GABRB3: variants seen among roughly 807,000 people sequenced by gnomAD.
GABRB3 encodes gamma-aminobutyric acid type A receptor subunit beta3.
A neutral mutation model predicts 52.1 loss-of-function variants in GABRB3; 14 were observed. That is an observed-to-expected ratio of 0.27 (90% CI 0.18 to 0.42). GABRB3 has a LOEUF of 0.42. Ranked by LOEUF, GABRB3 falls within the 10% of genes least tolerant of loss-of-function variation. The pLI is 1.00. For missense variants in GABRB3, 307 were observed against 609.1 expected (o/e 0.50, Z 5.22); for synonymous variants, 260 against 232.3 (o/e 1.12, Z -1.08).
intron 3 of GABRB3, among the ~76,000 whole-genome samples, chr15:26,704,255 T>A (rs1244438540): frequency 6.6e-6 from 1 of 152,220 alleles, no homozygotes. Context: ...TGCCAGAATG[T>A]GGAGAAAAGA....
chr15:26,708,214 A>T (rs972138465), intron 3 of GABRB3, among the ~76,000 whole-genome samples: 1 of 152,212 alleles, frequency 6.6e-6, no homozygotes, highest in African/African-American at 2.4e-5. Flanking sequence ...CTTTAAAAGG[A>T]TGAGTACAAT....
At chr15:26,626,719 C>T (rs1211578966) in intron 3 of GABRB3, among the ~76,000 whole-genome samples, 1 of 152,152 alleles carries the variant, frequency 6.6e-6, no homozygotes, top group East Asian at 1.9e-4. Context: ...GTTAGGGCAG[C>T]TGCAGAAGAA....
intron 4 of GABRB3, among the ~76,000 whole-genome samples, chr15:26,606,462 A>G (rs1035796526): frequency 1.3e-5 from 2 of 152,138 alleles, no homozygotes; most frequent in African/African-American, 4.8e-5. Context: ...GAAAAAATTG[A>G]AAAAATATTC....
rs1567083060 is a variant in GABRB3 at position 26,543,844 on chromosome 15, T to C, written c.*3949A>G. On this transcript the variant is annotated 3_prime_UTR_variant, in exon 9 of 9. Transcript: ENST00000311550. The stretch of plus-strand genomic sequence containing the variant: ...AACGTGACAAAACATGTTCATGGGG[T>C]TGGTCCTAGGGAGAGGCATACGGGA... 1 of 152,486 alleles carries C rather than the reference T, an allele frequency of 6.6e-6. No individual in the cohort carries two copies. Among genetic ancestry groups the C allele is most frequent in the East Asian group, 1.9e-4 (1 of 5,178 alleles). The allele number at this position is 152,486 out of a possible 1,614,324, so 9.4% of individuals were successfully genotyped here. A position where few individuals can be genotyped will look rare whatever the true frequency, so the allele number is the denominator to read the frequency against.
chr15:26,695,187 G>C (rs1308371848), intron 3 of GABRB3, among the ~76,000 whole-genome samples: 2 of 152,028 alleles, frequency 1.3e-5, no homozygotes, highest in African/African-American at 2.4e-5. Context: ...TAGAATAAAT[G>C]ACCCCCAAAA....
rs78360417 is a variant in GABRB3, at chr15:26,670,264, G to A, written c.241-48730C>T. ...CAGGATGCTCCAGGTGGGCATGGAG[G>A]GGCGGGAGAGGTAAGGGTAGGCGGG... On this transcript the variant is annotated intron_variant, in intron 3 of 8. Transcript: ENST00000311550. Among the ~76,000 whole-genome samples, 8 of 152,336 alleles carry A rather than the reference G, an allele frequency of 5.3e-5. No homozygotes were observed. In the East Asian group the frequency reaches 1.5e-3, roughly 29 times the overall value.
chr15:26,639,844 T>A (rs928719576), intron 3 of GABRB3, among the ~76,000 whole-genome samples: 2 of 152,242 alleles, frequency 1.3e-5, no homozygotes, highest in African/African-American at 4.8e-5. Context: ...ATGTTTCTAA[T>A]TATTCCCTTT....
intron 4 of GABRB3, among the ~76,000 whole-genome samples, chr15:26,606,730 A>G (rs938698279): frequency 2.0e-5 from 3 of 151,668 alleles, no homozygotes; most frequent in Admixed American, 2.0e-4. Flanking sequence ...CAACGCAATC[A>G]TATATATCTG....
At chr15:26,718,962 C>A (rs563689746) in intron 3 of GABRB3, among the ~76,000 whole-genome samples, 7 of 152,256 alleles carry the variant, frequency 4.6e-5, no homozygotes, top group African/African-American at 1.7e-4. Context: ...CCTGGACAAG[C>A]TCTTCCTCTG....
chr15:26,642,544 A>T, intron 3 of GABRB3: 1 of 1,263,062 alleles, frequency 7.9e-7, no homozygotes. Context: ...AAGAAATGAG[A>T]AACATGAAGG....
In GABRB3 at chr15:26,557,415, T is replaced by C. The variant is rs75081264; in HGVS notation, c.1080+3517A>G. Among the ~76,000 whole-genome samples, 216 of 152,312 alleles carry C rather than the reference T, an allele frequency of 1.4e-3. 1 individual carries two copies. The highest frequency in any genetic ancestry group is 5.1e-3 in the African/African-American group (211 of 41,578). On this transcript the variant is annotated intron_variant, in intron 8 of 8. Transcript: ENST00000311550. Reference sequence around the variant, plus strand: ...ATATAACAAACCTGCACATGTACCCTTGAAGCTAAGATGATAGTTAAAAAA... The same window carrying C: ...ATATAACAAACCTGCACATGTACCCCTGAAGCTAAGATGATAGTTAAAAAA...
chr15:26,661,433 G>A (rs1444524092), intron 3 of GABRB3, among the ~76,000 whole-genome samples: 1 of 152,134 alleles, frequency 6.6e-6, no homozygotes, highest in Non-Finnish European at 1.5e-5. Flanking sequence ...TCAAATTAAA[G>A]TTTCCTTTAA....
At chr15:26,681,705 T>C (rs1224817352) in intron 3 of GABRB3, among the ~76,000 whole-genome samples, 1 of 152,208 alleles carries the variant, frequency 6.6e-6, no homozygotes, top group Non-Finnish European at 1.5e-5. Context: ...CTCATGCCTA[T>C]AATCCCAGCA....
chr15:26,547,058 G>C lies in GABRB3; in HGVS notation c.*735C>G, dbSNP rs746868156. 6 of 153,440 alleles carry C rather than the reference G, an allele frequency of 3.9e-5. No homozygotes were observed. The highest frequency in any genetic ancestry group is 3.9e-4 in the Admixed American group (6 of 15,348). 9.5% of individuals were successfully genotyped at this position (153,440 alleles called of 1,614,324 possible). A position where few individuals can be genotyped will look rare whatever the true frequency, so the allele number is the denominator to read the frequency against. On this transcript the variant is annotated 3_prime_UTR_variant, in exon 9 of 9. Coordinates refer to ENST00000311550, the MANE Select transcript of GABRB3 (RefSeq NM_000814.6). ...AACAAACTACACACTGTATATTAGA[G>C]TACTTACAACGAGATGCCATTCACT...
At chr15:26,738,604 C>T (rs576761719) in intron 3 of GABRB3, among the ~76,000 whole-genome samples, 1 of 152,264 alleles carries the variant, frequency 6.6e-6, no homozygotes, top group South Asian at 2.1e-4. Context: ...CAAGGACTGA[C>T]TCTCACGGCG....
At chr15:26,552,083 C>T (rs181953647) in intron 8 of GABRB3, among the ~76,000 whole-genome samples, 11 of 152,084 alleles carry the variant, frequency 7.2e-5, no homozygotes, top group South Asian at 2.1e-4. Context: ...CTCAGCTCAC[C>T]GCAACCTCCT....
At chr15:26,638,565 C>A (rs1417316738) in intron 3 of GABRB3, among the ~76,000 whole-genome samples, 1 of 152,208 alleles carries the variant, frequency 6.6e-6, no homozygotes, top group Non-Finnish European at 1.5e-5. Context: ...TCCAGCTGCT[C>A]TTCTGACAGC....
intron 3 of GABRB3, among the ~76,000 whole-genome samples, chr15:26,760,295 A>AT (rs2081134791): frequency 6.6e-6 from 1 of 152,208 alleles, no homozygotes; most frequent in Non-Finnish European, 1.5e-5. Flanking sequence ...GAAACATGGA[A>AT]ATCAGAGCTG....
At chr15:26,711,477 A>G (rs1201828318) in intron 3 of GABRB3, among the ~76,000 whole-genome samples, 1 of 152,038 alleles carries the variant, frequency 6.6e-6, no homozygotes, top group Non-Finnish European at 1.5e-5. Flanking sequence ...GCCTCATATC[A>G]TTTCCATCTG....
Sources: gnomAD v4.1 joint callset for allele counts (sites outside exome capture counted in the v4.1 genomes callset) on GRCh38, gnomAD v4.1.1 for gene constraint, MANE v1.5 for transcripts, NCBI Gene and HGNC (gene_info 2026-07-23, HGNC 2026-07-21) for gene names.